BPIFB6: variants seen among roughly 807,000 people sequenced by gnomAD.
The protein encoded by BPIFB6 is BPI fold containing family B member 6.
A neutral mutation model predicts 54.7 loss-of-function variants in BPIFB6; 47 were observed. The observed-to-expected ratio is 0.86, with a 90% CI of 0.68 to 1.10. The LOEUF (loss-of-function observed/expected upper bound fraction) is 1.10. BPIFB6 is among the 50% of genes least tolerant of loss of function. The probability of loss-of-function intolerance (pLI) is 0.00; values close to 1 mark genes in which losing one functional copy is unlikely to be tolerated. For missense variants in BPIFB6, 603 were observed against 564.1 expected (o/e 1.07, Z -0.70); for synonymous variants, 255 against 225.9 (o/e 1.13, Z -1.16).
At chr20:33,036,358 G>A (rs1841627866) in intron 6 of BPIFB6, 87 bp from the exon 7 acceptor site, 1 of 1,141,896 alleles carries the variant, frequency 8.8e-7, no homozygotes, top group Non-Finnish European at 1.3e-6. Context: ...TGGAGGGCCA[G>A]GTGCAGGTAG....
Position 33,034,920 on chromosome 20 carries a change from G to T in BPIFB6, c.452+8G>T, listed in dbSNP as rs773359341. The T allele has an allele frequency of 1.9e-6, 3 of 1,607,522 alleles. No homozygotes were observed. Among genetic ancestry groups the T allele is most frequent in the South Asian group, 2.2e-5 (2 of 90,806 alleles). Reference sequence around the variant, plus strand: ...GACTAACCTGCCTAGCAAGTGAGGGGCTCTGTGGCTGGGGAGGAAGGCCGG... The same window carrying T: ...GACTAACCTGCCTAGCAAGTGAGGGTCTCTGTGGCTGGGGAGGAAGGCCGG... On this transcript the variant is annotated splice_region_variant and intron_variant, in intron 4 of 14. Transcript: ENST00000349552.
chr20:33,032,681 T>C (rs562265080), intron 1 of BPIFB6, among the ~76,000 whole-genome samples: 9 of 152,348 alleles, frequency 5.9e-5, no homozygotes, highest in Non-Finnish European at 1.2e-4. Context: ...TGATATCTTT[T>C]ATCCCTTTGC....
intron 7 of BPIFB6, 138 bp from the exon 8 acceptor site, chr20:33,037,424 T>G: frequency 9.5e-5 from 76 of 795,882 alleles, no homozygotes; most frequent in Middle Eastern, 3.9e-4. Flanking sequence ...CTGTAGCCCA[T>G]TGTGGTTCTC....
chr20:33,036,357 A>G, intron 6 of BPIFB6, 88 bp from the exon 7 acceptor site: 1 of 1,111,176 alleles, frequency 9.0e-7, no homozygotes. Context: ...GTGGAGGGCC[A>G]GGTGCAGGTA....
Position 33,035,135 on chromosome 20 carries a change from C to T in BPIFB6, c.507C>T (p.Leu169=). ...KFLDSTLHKV[L]PGLMCPAIDA... ...TGGACAGCACCCTGCACAAAGTCCTCCCTGGGCTGGTGAGTGACCCAGAGA... is the reference window on the plus strand; with the variant it reads ...TGGACAGCACCCTGCACAAAGTCCTTCCTGGGCTGGTGAGTGACCCAGAGA... The change falls in exon 5 of 15, where the codon CTC becomes CTT. Residue 169 remains leucine (L), a synonymous_variant. Coordinates refer to ENST00000349552, the MANE Select transcript of BPIFB6 (RefSeq NM_174897.2). 1 of 1,613,760 alleles carries T rather than the reference C, an allele frequency of 6.2e-7. No individual in the cohort carries two copies. Among genetic ancestry groups the T allele is most frequent in the Non-Finnish European group, 8.5e-7 (1 of 1,180,034 alleles).
In BPIFB6 at chr20:33,035,799, C is replaced by T. The variant is rs1018542243; in HGVS notation, c.577+127C>T. On this transcript the variant is annotated intron_variant, in intron 6 of 14. Transcript: ENST00000349552. ...CTTGGGACTAGAGGAGGCTTGAGGT[C>T]ATGATGTTCATCCCCCCACTGTCCC... The T allele has an allele frequency of 9.3e-6, 9 of 965,200 alleles. No homozygotes were observed. The Admixed American group carries it at 1.1e-4, about 12-fold the overall frequency. 59.8% of individuals were successfully genotyped at this position (965,200 alleles called of 1,614,324 possible).
At chr20:33,043,917 A>T in intron 14 of BPIFB6, 98 bp from the exon 15 acceptor site, 1 of 1,459,118 alleles carries the variant, frequency 6.9e-7, no homozygotes, top group Non-Finnish European at 9.6e-7. Flanking sequence ...TAACCACCAC[A>T]CTGGTTTCCA....
intron 2 of BPIFB6, chr20:33,033,545 C>T (rs1044620551): frequency 8.8e-6 from 4 of 456,538 alleles, no homozygotes; most frequent in Middle Eastern, 3.2e-4. Context: ...GCACTGTCTG[C>T]ACTCGGCAGG....
At chr20:33,036,381 G>C in intron 6 of BPIFB6, 64 bp from the exon 7 acceptor site, 1 of 1,419,810 alleles carries the variant, frequency 7.0e-7, no homozygotes. Flanking sequence ...GCTGGCTGGT[G>C]CCAGCTTCTC....
intron 11 of BPIFB6, among the ~76,000 whole-genome samples, chr20:33,041,440 G>T (rs1180326863): frequency 6.6e-6 from 1 of 152,146 alleles, no homozygotes; most frequent in Non-Finnish European, 1.5e-5. Context: ...CTCACCCGAG[G>T]GACTTTGGGT....
chr20:33,039,420 T>A lies in BPIFB6; in HGVS notation c.974T>A (p.Met325Lys), dbSNP rs1255873637. The A allele has an allele frequency of 6.2e-7, 1 of 1,614,224 alleles. No individual in the cohort carries two copies. The highest frequency in any genetic ancestry group is 1.3e-5 in the African/African-American group (1 of 75,068). The change falls in exon 10 of 15, where the codon ATG becomes AAG. Residue 325 changes from methionine to lysine, a missense_variant. Physicochemically the swap from Met to Lys is moderately conservative, Grantham distance 95. Transcript: ENST00000349552. ...IKIKKPPKVT[M>K]KTGKSLLHLH... ...ATAAAGAAGCCTCCCAAGGTCACTA[T>A]GAAGACAGGCAAGAGCCTGCTGCAC...
At position 33,040,160 on chromosome 20, in the gene BPIFB6, G is replaced by T. The variant is rs957745775; in HGVS notation, c.1075-91G>T. 8.0e-6 allele frequency: 9 copies of T among 1,129,238 alleles called. No homozygotes were observed. The African/African-American group carries it at 9.2e-5, about 12-fold the overall frequency. The allele number at this position is 1,129,238 out of a possible 1,614,324, so 70.0% of individuals were successfully genotyped here. A position where few individuals can be genotyped will look rare whatever the true frequency, so the allele number is the denominator to read the frequency against. On this transcript the variant is annotated intron_variant, in intron 10 of 14. Coordinates refer to ENST00000349552, the MANE Select transcript of BPIFB6 (RefSeq NM_174897.2). ...CCCCTGCTTTGTCTTGGCAATGGTG[G>T]TAGTGCTGGGAGGGTGGTGGTCTCT...
chr20:33,037,592 A>T lies in BPIFB6; in HGVS notation c.700A>T (p.Ile234Phe). The change falls in exon 8 of 15, where the codon ATC becomes TTC. Residue 234 changes from isoleucine to phenylalanine, a missense_variant. Transcript: ENST00000349552. ...PVVQQQKGKTIKLADAGEALT... is the reference protein window; with the variant it reads ...PVVQQQKGKTFKLADAGEALT... ...GGTGCAGCAGCAAAAGGGCAAAACC[A>T]TCAAGCTTGCTGATGCCGGGGAGGC... 6.2e-7 allele frequency: 1 copy of T among 1,613,798 alleles called. No homozygotes were observed. The highest frequency in any genetic ancestry group is 8.5e-7 in the Non-Finnish European group (1 of 1,179,804).
chr20:33,036,481 A>G lies in BPIFB6; in HGVS notation c.614A>G (p.Tyr205Cys), dbSNP rs1979345926. 6.2e-7 allele frequency: 1 copy of G among 1,614,104 alleles called. No homozygotes were observed. The highest frequency in any genetic ancestry group is 1.1e-5 in the South Asian group (1 of 91,066). Reference sequence around the variant, plus strand: ...GTGGGCCAGATGGGCACCGTCAAATATGTTCTGATGTCCGCACCAGCCACC... The same window carrying G: ...GTGGGCCAGATGGGCACCGTCAAATGTGTTCTGATGTCCGCACCAGCCACC... ...MPVGQMGTVK[Y>C]VLMSAPATTA... is the part of the protein sequence containing the mutation. Residue 205 changes from tyrosine to cysteine, a missense_variant, in exon 7 of 15, where the codon TAT (tyrosine) becomes TGT (cysteine). Physicochemically the swap from Tyr to Cys is radical, Grantham distance 194. Coordinates refer to ENST00000349552, the MANE Select transcript of BPIFB6 (RefSeq NM_174897.2).
In BPIFB6 at chr20:33,043,381, C is replaced by G; in HGVS notation, c.1329+14C>G. 6.2e-7 allele frequency: 1 copy of G among 1,611,646 alleles called. No individual in the cohort carries two copies. The highest frequency in any genetic ancestry group is 2.2e-5 in the East Asian group (1 of 44,870). ...GACATAGTAGAGGTGAGAGGAGGGG[C>G]TAGGGGAGGTCATGTCAATCAACAC... On this transcript the variant is annotated intron_variant, in intron 14 of 14. Transcript: ENST00000349552.
chr20:33,039,517 A>G lies in BPIFB6; in HGVS notation c.1071A>G (p.Glu357=), dbSNP rs1979488760. The G allele has an allele frequency of 2.3e-5, 37 of 1,604,238 alleles. No homozygotes were observed. The highest frequency in any genetic ancestry group is 3.1e-5 in the Non-Finnish European group (36 of 1,175,928). The change falls in exon 10 of 15, where the codon GAA becomes GAG. Residue 357 remains glutamate, a synonymous_variant. Coordinates refer to ENST00000349552, the MANE Select transcript of BPIFB6 (RefSeq NM_174897.2). ...SKAPMSLFLL[E]VHFNLKVQYS... is the part of the protein sequence containing the mutation. ...CTCCAATGTCCCTCTTTCTCCTAGA[A>G]GTGGTGAGGGAAATCGTTCCCTTCC...
At chr20:33,032,242 C>T (rs1402092755) in intron 1 of BPIFB6, among the ~76,000 whole-genome samples, 2 of 152,190 alleles carry the variant, frequency 1.3e-5, no homozygotes. Flanking sequence ...CTCCATCCCC[C>T]ACTCCACTAG....
At chr20:33,034,966 A>C (rs1054074981) in intron 4 of BPIFB6, 54 bp downstream of exon 4, 12 of 1,604,996 alleles carry the variant, frequency 7.5e-6, no homozygotes, top group Admixed American at 5.0e-5. Flanking sequence ...TATACCCCCC[A>C]GCATATCACT....
chr20:33,043,174 C>A, intron 13 of BPIFB6, 117 bp from the exon 14 acceptor site: 3 of 904,532 alleles, frequency 3.3e-6, no homozygotes, highest in Non-Finnish European at 5.5e-6. Context: ...GCTTGTACAG[C>A]TGGCAGGCAT....
Sources: allele counts gnomAD v4.1 joint callset (sites outside exome capture counted in the v4.1 genomes callset), GRCh38; gene constraint gnomAD v4.1.1; transcripts MANE v1.5; gene names NCBI Gene and HGNC (gene_info 2026-07-23, HGNC 2026-07-21).